The following PAQR5 variants were observed in gnomAD, a reference collection of about 807,000 sequenced individuals.
PAQR5 encodes progestin and adipoQ receptor family member 5, also known as membrane progestin receptor gamma.
Under a neutral mutation model 34.5 loss-of-function variants are expected in PAQR5, and 20 were observed. The observed-to-expected ratio is 0.58, with a 90% CI of 0.41 to 0.84. The LOEUF (loss-of-function observed/expected upper bound fraction) is 0.84, where lower values mean the gene tolerates loss of function less well. Among genes scored for constraint, PAQR5 ranks in the 40% least tolerant of loss-of-function variants. The pLI, the probability that PAQR5 is intolerant of heterozygous loss-of-function variation, is 0.00. For synonymous variants in PAQR5, 131 were observed against 155.6 expected (o/e 0.84, Z 1.18); for missense variants, 378 against 412.7 (o/e 0.92, Z 0.73).
At chr15:69,384,417 T>C (rs796256605) in intron 4 of PAQR5, among the ~76,000 whole-genome samples, 71 of 98,592 alleles carry the variant, frequency 7.2e-4, no homozygotes, top group East Asian at 3.9e-3. Context: ...GAGCGGGCCC[T>C]CCGTGTTCAT....
At chr15:69,331,317 G>A (rs898650132) in intron 1 of PAQR5, among the ~76,000 whole-genome samples, 2 of 152,220 alleles carry the variant, frequency 1.3e-5, no homozygotes, top group Admixed American at 6.5e-5. Flanking sequence ...CGGGGTCTCA[G>A]TTGGCTCTTT....
At chr15:69,330,803 A>G (rs986048008) in intron 1 of PAQR5, among the ~76,000 whole-genome samples, 1 of 150,702 alleles carries the variant, frequency 6.6e-6, no homozygotes, top group African/African-American at 2.5e-5. Flanking sequence ...CTCTTTCTCT[A>G]TTGCAATTCC....
intron 3 of PAQR5, among the ~76,000 whole-genome samples, chr15:69,374,397 C>T (rs970420368): frequency 1.1e-4 from 17 of 152,064 alleles, no homozygotes; most frequent in South Asian, 4.1e-4. Flanking sequence ...GCAGCAAGGC[C>T]GGGCACAGTG....
At chr15:69,304,843 T>C (rs2053679563) in intron 1 of PAQR5, among the ~76,000 whole-genome samples, 1 of 152,228 alleles carries the variant, frequency 6.6e-6, no homozygotes, top group South Asian at 2.1e-4. Context: ...AGACCAACTA[T>C]GATAGCTTCT....
At chr15:69,303,085 C>T (rs1424840740) in intron 1 of PAQR5, among the ~76,000 whole-genome samples, 2 of 152,116 alleles carry the variant, frequency 1.3e-5, no homozygotes, top group African/African-American at 4.8e-5. Context: ...ATGGTCTCTC[C>T]CAAGAGATCA....
At chr15:69,394,620 T>C (rs958620738) in intron 6 of PAQR5, among the ~76,000 whole-genome samples, 1 of 152,242 alleles carries the variant, frequency 6.6e-6, no homozygotes, top group Non-Finnish European at 1.5e-5. Flanking sequence ...CGTAACCCAG[T>C]GTGTCCTGCC....
intron 1 of PAQR5, among the ~76,000 whole-genome samples, chr15:69,323,449 CGGCCAGT>C (rs2140621163): frequency 6.6e-6 from 1 of 152,258 alleles, no homozygotes; most frequent in South Asian, 2.1e-4. Flanking sequence ...CTCCCCTGAA[CGGCCAGT>C]GGTGCTCCTG....
intron 1 of PAQR5, among the ~76,000 whole-genome samples, chr15:69,303,120 ACGT>A (rs2053641974): frequency 6.6e-6 from 1 of 152,182 alleles, no homozygotes; most frequent in Non-Finnish European, 1.5e-5. Flanking sequence ...CTCAGTTAAC[ACGT>A]GCTGAGTAGA....
At chr15:69,317,574 G>A (rs138616462) in intron 1 of PAQR5, among the ~76,000 whole-genome samples, 21 of 152,220 alleles carry the variant, frequency 1.4e-4, no homozygotes, top group African/African-American at 4.8e-4. Flanking sequence ...TAATGATTAC[G>A]TGAAATGGCT....
At chr15:69,374,705 A>G (rs537689290) in intron 3 of PAQR5, among the ~76,000 whole-genome samples, 3 of 152,186 alleles carry the variant, frequency 2.0e-5, no homozygotes, top group Admixed American at 6.5e-5. Flanking sequence ...TGCTGCATCA[A>G]TGCATGGCCT....
intron 7 of PAQR5, among the ~76,000 whole-genome samples, chr15:69,399,304 C>T (rs1420322956): frequency 1.3e-5 from 2 of 152,238 alleles, no homozygotes; most frequent in African/African-American, 4.8e-5. Context: ...TCTTCCACCT[C>T]TGCCACTCAT....
intron 8 of PAQR5, chr15:69,400,826 G>C (rs1236951583): frequency 6.5e-6 from 1 of 153,010 alleles, no homozygotes; most frequent in Admixed American, 6.5e-5. Context: ...TGGACGGGAG[G>C]GGGCCAGGGG....
chr15:69,309,154 G>A (rs1363330285), intron 1 of PAQR5, among the ~76,000 whole-genome samples: 3 of 152,172 alleles, frequency 2.0e-5, no homozygotes, highest in African/African-American at 7.2e-5. Flanking sequence ...GGGTGGATGG[G>A]ACAGCCCCGG....
chr15:69,305,093 C>T (rs921218454), intron 1 of PAQR5, among the ~76,000 whole-genome samples: 2 of 152,152 alleles, frequency 1.3e-5, no homozygotes, highest in African/African-American at 2.4e-5. Context: ...CTTTCGGTAC[C>T]GGATAATTCT....
rs71149903 is a variant in PAQR5, at chr15:69,301,859, A to ATTTTTTTT, written c.-277+2833_-277+2840dup. On this transcript the variant is annotated intron_variant, in intron 1 of 8. Coordinates refer to ENST00000395407, the MANE Select transcript of PAQR5 (RefSeq NM_017705.4). ...GTGAATTCATAAGAAATGGGGGGAG[A>ATTTTTTTT]TTTTTTTTTTTTTTTTTTTTTTTTT... Among the ~76,000 whole-genome samples, 455 of 98,780 alleles carry ATTTTTTTT rather than the reference A, an allele frequency of 4.6e-3. 47 individuals are homozygous for ATTTTTTTT. The highest frequency in any genetic ancestry group is 0.013 in the East Asian group (36 of 2,856). The allele number at this position is 98,780 out of a possible 152,430, so 64.8% of individuals were successfully genotyped here.
At chr15:69,313,194 A>G (rs1277424370) in intron 1 of PAQR5, among the ~76,000 whole-genome samples, 4 of 152,182 alleles carry the variant, frequency 2.6e-5, no homozygotes, top group African/African-American at 9.7e-5. Flanking sequence ...CCCATTGCCA[A>G]TGCAGAGAAT....
intron 1 of PAQR5, among the ~76,000 whole-genome samples, chr15:69,337,105 G>A (rs1438848189): frequency 6.6e-6 from 1 of 152,158 alleles, no homozygotes; most frequent in Non-Finnish European, 1.5e-5. Context: ...TGGAGAGCTG[G>A]TATGTTAAAC....
At chr15:69,313,239 G>A (rs925858776) in intron 1 of PAQR5, among the ~76,000 whole-genome samples, 6 of 152,166 alleles carry the variant, frequency 3.9e-5, no homozygotes, top group Admixed American at 1.3e-4. Context: ...TCTCATGCCC[G>A]TAAAATCCAA....
At position 69,339,338 on chromosome 15, in the gene PAQR5, G is replaced by A. The variant is rs116899694; in HGVS notation, c.-116+1837G>A. On this transcript the variant is annotated intron_variant, in intron 2 of 8. Transcript: ENST00000395407. ...CTTGACGAATTGGCTCTGTCTAGGC[G>A]TGGACAAGGTGAACCCCTTGGGCAG... 2.1e-3 allele frequency among the ~76,000 whole-genome samples: 315 copies of A among 151,990 alleles called. 4 individuals carry two copies. In the East Asian group the frequency reaches 0.032, roughly 15 times the overall value.
Sources: gnomAD v4.1 joint callset for allele counts (sites outside exome capture counted in the v4.1 genomes callset) on GRCh38, gnomAD v4.1.1 for gene constraint, MANE v1.5 for transcripts, NCBI Gene and HGNC (gene_info 2026-07-23, HGNC 2026-07-21) for gene names.